Variants in BCOR observed in about 807,000 individuals in gnomAD.
The protein encoded by BCOR is BCL-6 corepressor.
In BCOR, 10 loss-of-function variants were observed where a neutral mutation model predicts 86.7. The ratio of observed to expected loss-of-function variants is 0.12; its 90% CI spans 0.07 to 0.20. The LOEUF is 0.20. BCOR is among the 10% of genes least tolerant of loss of function. The pLI, the probability that BCOR is intolerant of heterozygous loss-of-function variation, is 1.00. For missense variants in BCOR, 1,259 were observed against 1,452.1 expected, an observed-to-expected ratio of 0.87 and a Z score of 2.16; for synonymous variants, 611 against 609.0, an observed-to-expected ratio of 1.00 and a Z score of -0.05.
intron 1 of BCOR, among the ~76,000 whole-genome samples, chrX:40,155,228 GTCC>G (rs1389433426): frequency 8.9e-6 from 1 of 112,816 alleles, no homozygotes; most frequent in East Asian, 2.8e-4. Context: ...GTCAGCCAAG[GTCC>G]TCCGGCTCTC....
chrX:40,133,545 C>T (rs1193737970), intron 1 of BCOR, among the ~76,000 whole-genome samples: 2 of 110,609 alleles, frequency 1.8e-5, no homozygotes, highest in Non-Finnish European at 3.8e-5. Flanking sequence ...CTGCAAGCTC[C>T]GCCTCCCGGG....
chrX:40,167,551 C>T (rs1345669172), intron 1 of BCOR, among the ~76,000 whole-genome samples: 2 of 112,990 alleles, frequency 1.8e-5, no homozygotes, highest in Non-Finnish European at 3.7e-5. Context: ...TGTCAAGTCT[C>T]TTCGCACCAC....
chrX:40,168,089 G>C (rs1037832150), intron 1 of BCOR, among the ~76,000 whole-genome samples: 40 of 112,915 alleles, frequency 3.5e-4, no homozygotes, highest in African/African-American at 9.6e-4. Flanking sequence ...CGCACACACA[G>C]ACACGCACAC....
In BCOR at chrX:40,074,155, C is replaced by T. The variant is rs375283379; in HGVS notation, c.1191G>A (p.Pro397=). The change falls in exon 4 of 15, where the codon CCG becomes CCA. Residue 397 remains proline (P), a synonymous_variant. Coordinates refer to ENST00000378444, the MANE Select transcript of BCOR (RefSeq NM_001123385.2). The stretch of plus-strand genomic sequence containing the variant: ...CTGGCTGGGCACCTTCGCCCCCTTC[C>T]GGAGCCTTGGGATACTTGCCATTGG... The part of the protein sequence containing the change: ...RLSNGKYPKA[P]EGGEGAQPVP... 29 of 1,211,154 alleles carry T rather than the reference C, an allele frequency of 2.4e-5. No homozygotes were observed. Among genetic ancestry groups the T allele is most frequent in the South Asian group, 3.5e-5 (2 of 56,876 alleles).
chrX:40,166,509 G>A (rs950466119), intron 1 of BCOR, among the ~76,000 whole-genome samples: 1 of 111,515 alleles, frequency 9.0e-6, no homozygotes, highest in Non-Finnish European at 1.9e-5. Context: ...CCACACACCT[G>A]GCAGGAATCT....
chrX:40,101,454 G>A (rs1569178957), upstream of BCOR, among the ~76,000 whole-genome samples: 1 of 113,187 alleles, frequency 8.8e-6, no homozygotes. Flanking sequence ...GAGGTGCTGC[G>A]GATGGAGCAG....
chrX:40,096,190 A>T (rs916769259), intron 1 of BCOR, among the ~76,000 whole-genome samples: 4 of 111,966 alleles, frequency 3.6e-5, no homozygotes, highest in African/African-American at 1.3e-4. Context: ...ACGCCCTCCG[A>T]GTGGGACCAA....
chrX:40,064,164 C>T (rs746409875), intron 7 of BCOR, among the ~76,000 whole-genome samples, 172 bp downstream of exon 7: 1 of 110,987 alleles, frequency 9.0e-6, no homozygotes, highest in South Asian at 3.9e-4. Flanking sequence ...GGGAACCTCA[C>T]GAGGCAGTGT....
Position 40,069,594 on chromosome X carries a change from A to T in BCOR, c.3238+1379T>A, listed in dbSNP as rs752529543. Among the ~76,000 whole-genome samples, 4 of 112,320 alleles carry T rather than the reference A, an allele frequency of 3.6e-5. No homozygotes were observed. The East Asian group carries it at 8.4e-4, about 24-fold the overall frequency. ...AGCCATCTACTCAGAACAAAGAGGG[A>T]TTCTTATGTATGGCACTCCCTCTTT... On this transcript the variant is annotated intron_variant, in intron 6 of 14. Coordinates refer to ENST00000378444, the MANE Select transcript of BCOR (RefSeq NM_001123385.2).
At chrX:40,087,073 C>T (rs1346075701) in intron 1 of BCOR, among the ~76,000 whole-genome samples, 1 of 113,434 alleles carries the variant, frequency 8.8e-6, no homozygotes, top group Non-Finnish European at 1.9e-5. Context: ...GTTGTGGAGA[C>T]TCGCAGGGTT....
chrX:40,108,802 A>G (rs1017531638), intron 1 of BCOR, among the ~76,000 whole-genome samples: 1 of 112,947 alleles, frequency 8.9e-6, no homozygotes, highest in African/African-American at 3.2e-5. Flanking sequence ...GTATCGACCA[A>G]TCTCCCTGCG....
rs748795838 is a variant in BCOR, at chrX:40,051,541, C to T, written c.*568G>A. The T allele has an allele frequency of 5.8e-6, 1 of 173,160 alleles. No individual in the cohort carries two copies. The highest frequency in any genetic ancestry group is 2.9e-5 in the African/African-American group (1 of 34,009). 14.3% of individuals were successfully genotyped at this position (173,160 alleles called of 1,213,427 possible). ...TGATGCGTGAAAACTAATTTCACAG[C>T]TTTTAAATTAGGATATAAAAGTTTC... On this transcript the variant is annotated 3_prime_UTR_variant, in exon 15 of 15. Transcript: ENST00000378444.
intron 1 of BCOR, among the ~76,000 whole-genome samples, chrX:40,136,266 C>T (rs1310332978): frequency 1.8e-5 from 2 of 112,295 alleles, no homozygotes; most frequent in Non-Finnish European, 3.8e-5. Context: ...CTGTTGAGCA[C>T]ATTCTAGACC....
intron 6 of BCOR, among the ~76,000 whole-genome samples, chrX:40,070,756 G>A (rs892025096): frequency 1.8e-5 from 2 of 111,780 alleles, no homozygotes; most frequent in Admixed American, 9.5e-5. Context: ...GCTACACTGC[G>A]TTATATTAGA....
chrX:40,139,484 TATATATATATA>T (rs1937852478), intron 1 of BCOR, among the ~76,000 whole-genome samples: 4 of 15,734 alleles, frequency 2.5e-4, no homozygotes, highest in Non-Finnish European at 3.6e-4. Context: ...TATATATATA[TATATATATATA>T]TATTTTTTTT....
At chrX:40,127,049 T>C (rs756364752) in intron 1 of BCOR, among the ~76,000 whole-genome samples, 36 of 111,636 alleles carry the variant, frequency 3.2e-4, no homozygotes, top group African/African-American at 1.2e-3. Context: ...ACCCAGTGTA[T>C]GTTACTTTGT....
chrX:40,086,440 G>A (rs972674679), intron 1 of BCOR, among the ~76,000 whole-genome samples: 8 of 113,107 alleles, frequency 7.1e-5, no homozygotes, highest in African/African-American at 2.6e-4. Context: ...TGACACTCAC[G>A]GCCCCGTGGG....
intron 1 of BCOR, among the ~76,000 whole-genome samples, chrX:40,173,634 G>C (rs1298897118): frequency 8.9e-6 from 1 of 112,268 alleles, no homozygotes; most frequent in Non-Finnish European, 1.9e-5. Flanking sequence ...AGGAGGGAGA[G>C]TCCTTTTTAA....
chrX:40,157,268 C>T (rs1429665833), intron 1 of BCOR, among the ~76,000 whole-genome samples: 2 of 111,987 alleles, frequency 1.8e-5, no homozygotes, highest in Non-Finnish European at 3.8e-5. Flanking sequence ...GACTCCAGGC[C>T]CTCCAGACTC....
Sources: gnomAD v4.1 joint callset for allele counts (sites outside exome capture counted in the v4.1 genomes callset) on GRCh38, gnomAD v4.1.1 for gene constraint, MANE v1.5 for transcripts, NCBI Gene and HGNC (gene_info 2026-07-23, HGNC 2026-07-21) for gene names.